The following TNFRSF8 variants were observed in gnomAD, a reference collection of about 807,000 sequenced individuals.
TNFRSF8 encodes tumor necrosis factor receptor superfamily member 8.
A neutral mutation model predicts 70.8 loss-of-function variants in TNFRSF8; 26 were observed. The observed-to-expected ratio is 0.37, with a 90% CI of 0.27 to 0.51. The LOEUF is 0.51. Among genes scored for constraint, TNFRSF8 ranks in the 20% least tolerant of loss-of-function variants. The pLI is 0.94. For missense variants in TNFRSF8, 720 were observed against 807.9 expected, an observed-to-expected ratio of 0.89 and a Z score of 1.32; for synonymous variants, 356 against 339.2, an observed-to-expected ratio of 1.05 and a Z score of -0.54.
At chr1:12,103,014 G>C (rs1476125618) in intron 3 of TNFRSF8, among the ~76,000 whole-genome samples, 2 of 152,128 alleles carry the variant, frequency 1.3e-5, no homozygotes, top group African/African-American at 4.8e-5. Context: ...TTGGCCAGCT[G>C]TGTATCTTCT....
At chr1:12,128,613 C>T (rs1221410158) in intron 12 of TNFRSF8, among the ~76,000 whole-genome samples, 2 of 152,258 alleles carry the variant, frequency 1.3e-5, no homozygotes, top group South Asian at 2.1e-4. Flanking sequence ...GGGATTTTAT[C>T]GTGGTTGTTG....
At chr1:12,124,134 A>C (rs1488314529) in intron 10 of TNFRSF8, among the ~76,000 whole-genome samples, 1 of 152,132 alleles carries the variant, frequency 6.6e-6, no homozygotes, top group Non-Finnish European at 1.5e-5. Context: ...CCTCCCGAGT[A>C]GCTGGGTTTA....
chr1:12,099,280 G>A (rs1487354318), intron 3 of TNFRSF8, among the ~76,000 whole-genome samples: 3 of 152,044 alleles, frequency 2.0e-5, no homozygotes, highest in East Asian at 3.9e-4. Context: ...GAGTAGCTGA[G>A]ATTACAGGGA....
Position 12,138,150 on chromosome 1 carries a change from A to C in TNFRSF8, c.1336-79A>C. The C allele has an allele frequency of 6.7e-7, 1 of 1,492,894 alleles. No individual in the cohort carries two copies. Among genetic ancestry groups the C allele is most frequent in the Non-Finnish European group, 9.1e-7 (1 of 1,104,776 alleles). The allele number at this position is 1,492,894 out of a possible 1,614,324, so 92.5% of individuals were successfully genotyped here. A position where few individuals can be genotyped will look rare whatever the true frequency, so the allele number is the denominator to read the frequency against. ...CTCACTGGGGTCTGTAGAGATGAAA[A>C]AAAAAAGGGGCCTCCCAGTTCAGAG... On this transcript the variant is annotated intron_variant, in intron 13 of 14. Transcript: ENST00000263932. The surrounding 1 kb of genome is among the most constrained non-coding windows in gnomAD (Gnocchi z 5.7).
intron 1 of TNFRSF8, among the ~76,000 whole-genome samples, chr1:12,082,559 A>AC (rs987812392): frequency 5.3e-5 from 8 of 151,060 alleles, no homozygotes; most frequent in South Asian, 2.1e-4. Flanking sequence ...CAAAAAAAAA[A>AC]AAAACAAAAA....
intron 1 of TNFRSF8, among the ~76,000 whole-genome samples, chr1:12,075,258 T>TC (rs1640918849): frequency 2.0e-5 from 3 of 151,298 alleles, no homozygotes; most frequent in African/African-American, 7.3e-5. Flanking sequence ...AAAATTTTTT[T>TC]TTTTTTTTAA....
chr1:12,122,405 G>T (rs1641846373), intron 8 of TNFRSF8, among the ~76,000 whole-genome samples: 1 of 151,904 alleles, frequency 6.6e-6, no homozygotes, highest in East Asian at 2.0e-4. Context: ...CCAGCACTTT[G>T]GGAGGCTGAG....
At chr1:12,116,289 G>T (rs1641728442) in intron 8 of TNFRSF8, among the ~76,000 whole-genome samples, 1 of 152,118 alleles carries the variant, frequency 6.6e-6, no homozygotes, top group African/African-American at 2.4e-5. Flanking sequence ...CCCCGGGCTG[G>T]TAAAATCTTG....
intron 1 of TNFRSF8, among the ~76,000 whole-genome samples, chr1:12,076,597 C>A (rs1640971703): frequency 6.6e-6 from 1 of 152,114 alleles, no homozygotes; most frequent in Non-Finnish European, 1.5e-5. Flanking sequence ...AACCCTGGGG[C>A]CAGGCAGCAT....
At chr1:12,128,569 G>A (rs576146998) in intron 12 of TNFRSF8, among the ~76,000 whole-genome samples, 68 of 152,318 alleles carry the variant, frequency 4.5e-4, no homozygotes, top group Non-Finnish European at 8.4e-4. Context: ...GAAGTAATTC[G>A]TTTAAGGCCA....
chr1:12,097,318 A>T (rs1185696341), intron 3 of TNFRSF8, 101 bp downstream of exon 3: 2 of 809,028 alleles, frequency 2.5e-6, no homozygotes, highest in African/African-American at 3.4e-5. Context: ...TCATGATTTG[A>T]TGTCTGTTCT....
At chr1:12,092,729 C>T (rs1371722456) in intron 2 of TNFRSF8, among the ~76,000 whole-genome samples, 2 of 151,872 alleles carry the variant, frequency 1.3e-5, no homozygotes, top group African/African-American at 2.4e-5. Context: ...AGGATGGTCT[C>T]GATCTCCTGA....
At chr1:12,134,749 G>A (rs777630080) in intron 12 of TNFRSF8, among the ~76,000 whole-genome samples, 50 of 152,292 alleles carry the variant, frequency 3.3e-4, no homozygotes, top group Non-Finnish European at 5.3e-4. Context: ...TCCCAGGCAG[G>A]GTCCAGGTGG....
At position 12,110,558 on chromosome 1, in the gene TNFRSF8, C is replaced by T. The variant is rs988740355; in HGVS notation, c.676+354C>T. Among the ~76,000 whole-genome samples the T allele has an allele frequency of 9.2e-5, 14 of 152,260 alleles. No individual in the cohort carries two copies. Among genetic ancestry groups the T allele is most frequent in the Admixed American group, 7.8e-4 (12 of 15,298 alleles). ...GCCTCTGCACGTGTCCATCTGATGC[C>T]CTCCTGGTCTCCATGGCGAAGGGTC... On this transcript the variant is annotated intron_variant, in intron 6 of 14. Transcript: ENST00000263932. The surrounding 1 kb of genome is among the most constrained non-coding windows in gnomAD (Gnocchi z 4.0).
chr1:12,077,310 T>C (rs1489900139), intron 1 of TNFRSF8, among the ~76,000 whole-genome samples: 1 of 152,176 alleles, frequency 6.6e-6, no homozygotes, highest in East Asian at 1.9e-4. Context: ...GCGGGCCCAA[T>C]CTAATCACAG....
intron 1 of TNFRSF8, among the ~76,000 whole-genome samples, chr1:12,076,097 C>CTTTTTTTTTTTTT (rs397829917): frequency 1.3e-3 from 175 of 139,434 alleles, no homozygotes; most frequent in Non-Finnish European, 1.8e-3. Context: ...TTTTTTTTTT[C>CTTTTTTTTTTTTT]TTTTTCTTTT....
chr1:12,123,182 G>T lies in TNFRSF8; in HGVS notation c.947-102G>T, dbSNP rs148030657. 130 of 927,778 alleles carry T rather than the reference G, an allele frequency of 1.4e-4. No individual in the cohort carries two copies. The African/African-American group carries it at 1.8e-3, about 13-fold the overall frequency. 57.5% of individuals were successfully genotyped at this position (927,778 alleles called of 1,614,324 possible). ...CAAATCTGACTGTCTTAGCTCCCAC[G>T]GTGTTGCCTCGCTGGAAGCCACCAG... On this transcript the variant is annotated intron_variant, in intron 8 of 14. Coordinates refer to ENST00000263932, the MANE Select transcript of TNFRSF8 (RefSeq NM_001243.5).
In TNFRSF8 at chr1:12,124,753, C is replaced by T. The variant is rs373954676; in HGVS notation, c.1153+926C>T. ...AGGAGAATCGCTTGAACCCGGGAGG[C>T]GGAGGTTGCAAGGTTGCAGTGAGCC... On this transcript the variant is annotated intron_variant, in intron 10 of 14. Transcript: ENST00000263932. Among the ~76,000 whole-genome samples the T allele has an allele frequency of 4.8e-4, 73 of 152,152 alleles. 2 individuals are homozygous for T. The highest frequency in any genetic ancestry group is 1.7e-3 in the African/African-American group (69 of 41,504).
At chr1:12,140,436 C>G (rs572073169) in intron 14 of TNFRSF8, among the ~76,000 whole-genome samples, 1 of 152,310 alleles carries the variant, frequency 6.6e-6, no homozygotes, top group South Asian at 2.1e-4. Flanking sequence ...CCCCCAACTT[C>G]CTCACCTGCC....
Sources: gnomAD v4.1 joint callset for allele counts (sites outside exome capture counted in the v4.1 genomes callset) on GRCh38, gnomAD v4.1.1 for gene constraint, Gnocchi (gnomAD v3.1) non-coding constraint, MANE v1.5 for transcripts, NCBI Gene and HGNC (gene_info 2026-07-23, HGNC 2026-07-21) for gene names.